SMIM35: variants seen among roughly 807,000 people sequenced by gnomAD.
The protein encoded by SMIM35 is TMPRSS4 antisense RNA 1 (non-protein coding).
At chr11:118,066,041 G>T (rs370156908) in intron 1 of SMIM35, among the ~76,000 whole-genome samples, 1 of 151,786 alleles carries the variant, frequency 6.6e-6, no homozygotes, top group Non-Finnish European at 1.5e-5. Context: ...GGGAAGAGGG[G>T]GCTGCAGCCC....
At chr11:118,057,490 T>C (rs1944332273) in intron 1 of SMIM35, among the ~76,000 whole-genome samples, 1 of 151,982 alleles carries the variant, frequency 6.6e-6, no homozygotes, top group African/African-American at 2.4e-5. Context: ...GACACACTGC[T>C]GGGGGTGGGA....
intron 1 of SMIM35, among the ~76,000 whole-genome samples, chr11:118,066,864 AT>A (rs200974192): frequency 8.1e-4 from 119 of 147,218 alleles, no homozygotes; most frequent in East Asian, 8.0e-3. Context: ...ATAATTCTGG[AT>A]TTTTTTTTTT....
intron 1 of SMIM35, among the ~76,000 whole-genome samples, chr11:118,027,841 TCA>T (rs1252139637): frequency 2.0e-5 from 3 of 152,182 alleles, no homozygotes; most frequent in Non-Finnish European, 2.9e-5. Flanking sequence ...TTTGTGTCAC[TCA>T]CAGTAGTATT....
chr11:118,037,171 T>A, intron 1 of SMIM35, among the ~76,000 whole-genome samples: 1 of 152,198 alleles, frequency 6.6e-6, no homozygotes, highest in Non-Finnish European at 1.5e-5. Context: ...TCTAACTGCT[T>A]CCTGCTGAAC....
At chr11:118,058,368 G>C (rs965349358) in intron 1 of SMIM35, among the ~76,000 whole-genome samples, 1 of 152,156 alleles carries the variant, frequency 6.6e-6, no homozygotes, top group African/African-American at 2.4e-5. Flanking sequence ...TTCACCCCAG[G>C]GCCAGGAGTG....
At chr11:118,050,244 G>A (rs1261597474) in intron 1 of SMIM35, among the ~76,000 whole-genome samples, 3 of 152,220 alleles carry the variant, frequency 2.0e-5, no homozygotes, top group Non-Finnish European at 4.4e-5. Context: ...AGAGGAAAAG[G>A]GCCTTGGGGA....
chr11:118,073,379 G>A (rs913426249), intron 1 of SMIM35, among the ~76,000 whole-genome samples: 7 of 152,206 alleles, frequency 4.6e-5, no homozygotes, highest in Non-Finnish European at 1.0e-4. Flanking sequence ...GAGATTAGGA[G>A]GCAGGACCCC....
chr11:118,031,106 A>G (rs1180609326), intron 1 of SMIM35, among the ~76,000 whole-genome samples: 1 of 152,234 alleles, frequency 6.6e-6, no homozygotes, highest in Non-Finnish European at 1.5e-5. Context: ...TGGAAAAAAG[A>G]GTTACAAATA....
intron 1 of SMIM35, among the ~76,000 whole-genome samples, chr11:118,073,413 G>T (rs772397898): frequency 2.0e-5 from 3 of 152,254 alleles, no homozygotes; most frequent in Non-Finnish European, 4.4e-5. Context: ...TCAAGCTCTT[G>T]ACCAGGGAGG....
chr11:118,047,551 T>G (rs1854430530), intron 1 of SMIM35, among the ~76,000 whole-genome samples: 1 of 152,090 alleles, frequency 6.6e-6, no homozygotes, highest in Non-Finnish European at 1.5e-5. Context: ...GCATGGGCAA[T>G]ACACCCACAG....
At chr11:118,026,702 C>A (rs925945692) in intron 1 of SMIM35, among the ~76,000 whole-genome samples, 5 of 152,284 alleles carry the variant, frequency 3.3e-5, no homozygotes, top group Admixed American at 2.6e-4. Flanking sequence ...CGTGGTGGCT[C>A]ATGCCTGTAA....
intron 1 of SMIM35, among the ~76,000 whole-genome samples, chr11:118,084,644 T>C (rs1002857734): frequency 6.6e-6 from 1 of 152,184 alleles, no homozygotes; most frequent in Non-Finnish European, 1.5e-5. Context: ...ATGTGTGGAG[T>C]TCTGCTCTCC....
chr11:118,034,091 A>G (rs2058339484), intron 1 of SMIM35, among the ~76,000 whole-genome samples: 2 of 150,160 alleles, frequency 1.3e-5, no homozygotes, highest in South Asian at 2.1e-4. Context: ...AACATGGTGA[A>G]ACCCCATCTC....
In SMIM35 at chr11:118,004,239, A is replaced by G. The variant is rs547674492; in HGVS notation, c.*2171T>C. 1 of 152,356 alleles carries G rather than the reference A, an allele frequency of 6.6e-6. No homozygotes were observed. Among genetic ancestry groups the G allele is most frequent in the Admixed American group, 6.5e-5 (1 of 15,302 alleles). The allele number at this position is 152,356 out of a possible 1,614,324, so 9.4% of individuals were successfully genotyped here. On this transcript the variant is annotated 3_prime_UTR_variant, in exon 5 of 5. Transcript: ENST00000689828. ...TCACATTGGGAGTGACAGCTTCAACATGAATTTGGGGAAGACAAAAATATT... is the reference window on the plus strand; with the variant it reads ...TCACATTGGGAGTGACAGCTTCAACGTGAATTTGGGGAAGACAAAAATATT...
intron 1 of SMIM35, among the ~76,000 whole-genome samples, chr11:118,052,520 AT>A (rs1014358350): frequency 8.5e-5 from 13 of 152,058 alleles, no homozygotes; most frequent in Non-Finnish European, 1.8e-4. Context: ...ATAATTTTGT[AT>A]TCTTCATCTA....
intron 1 of SMIM35, among the ~76,000 whole-genome samples, chr11:118,030,282 G>A (rs651348): frequency 1.3e-5 from 2 of 151,912 alleles, no homozygotes; most frequent in African/African-American, 2.4e-5. Context: ...TGATCCACCC[G>A]CCTCAGCCAC....
At chr11:118,077,754 G>A (rs1440220093) in intron 1 of SMIM35, among the ~76,000 whole-genome samples, 2 of 151,782 alleles carry the variant, frequency 1.3e-5, no homozygotes, top group Non-Finnish European at 2.9e-5. Context: ...GCTCACGCCT[G>A]TAGTCCCAGC....
chr11:118,016,474 C>T (rs1376178852), intron 1 of SMIM35, among the ~76,000 whole-genome samples: 2 of 152,178 alleles, frequency 1.3e-5, no homozygotes, highest in Non-Finnish European at 2.9e-5. Context: ...ACGGACAACC[C>T]ACCTCTGCCG....
chr11:118,037,291 T>G (rs1039469063), intron 1 of SMIM35, among the ~76,000 whole-genome samples: 2 of 152,202 alleles, frequency 1.3e-5, no homozygotes, highest in Non-Finnish European at 2.9e-5. Flanking sequence ...ATGGACTGCA[T>G]CTGGGGCTCC....
Sources: allele counts gnomAD v4.1 joint callset (sites outside exome capture counted in the v4.1 genomes callset), GRCh38; gene constraint gnomAD v4.1.1; transcripts MANE v1.5; gene names NCBI Gene and HGNC (gene_info 2026-07-23, HGNC 2026-07-21).